The following ALDH5A1 variants were observed in gnomAD, a reference collection of about 807,000 sequenced individuals.
The protein encoded by ALDH5A1 is aldehyde dehydrogenase 5 family member A1.
ALDH5A1 carries 33 observed loss-of-function variants against 54.7 expected under a neutral mutation model. The ratio of observed to expected loss-of-function variants is 0.60; its 90% confidence interval spans 0.46 to 0.81. The LOEUF (loss-of-function observed/expected upper bound fraction) is 0.81, where lower values mean the gene tolerates loss of function less well. Among genes scored for constraint, ALDH5A1 ranks in the 30% least tolerant of loss-of-function variants. The probability of loss-of-function intolerance (pLI) is 0.00; values close to 1 mark genes in which losing one functional copy is unlikely to be tolerated. For missense variants in ALDH5A1, 657 were observed against 711.0 expected, an observed-to-expected ratio of 0.92 and a Z score of 0.86; for synonymous variants, 294 against 292.7, an observed-to-expected ratio of 1.00 and a Z score of -0.05.
Position 24,495,321 on chromosome 6 carries a change from T to C in ALDH5A1, c.325T>C (p.Phe109Leu), listed in dbSNP as rs1309356527. The stretch of plus-strand genomic sequence containing the variant: ...CGCCGTGCGCGCTGCCTACGAGGCT[T>C]TCTGCCGCTGGAGGGAGGTCTCCGC... ...RAAVRAAYEA[F>L]CRWREVSAKE... Residue 109 changes from phenylalanine (F) to leucine (L), a missense_variant, in exon 1 of 10, where the codon TTC becomes CTC. Around this residue, in one of 2 missense-constraint regions of ALDH5A1, gnomAD observed 232 missense variants for 194.6 expected, o/e 1.19. Coordinates refer to ENST00000357578, the MANE Select transcript of ALDH5A1 (RefSeq NM_001080.3). The C allele has an allele frequency of 1.1e-5, 17 of 1,532,878 alleles. No individual in the cohort carries two copies. Among genetic ancestry groups the C allele is most frequent in the Non-Finnish European group, 1.5e-5 (17 of 1,146,372 alleles). The allele number at this position is 1,532,878 out of a possible 1,614,324, so 95.0% of individuals were successfully genotyped here.
In ALDH5A1 at chr6:24,501,895, ATG is replaced by A. The variant is rs1243852728; in HGVS notation, c.355-611_355-610del. Among the ~76,000 whole-genome samples the A allele has an allele frequency of 6.2e-5, 8 of 129,724 alleles. No individual in the cohort carries two copies. In the South Asian group the frequency reaches 1.1e-3, roughly 18 times the overall value. 85.1% of individuals were successfully genotyped at this position (129,724 alleles called of 152,430 possible). On this transcript the variant is annotated intron_variant, in intron 1 of 9. Transcript: ENST00000357578. Reference sequence around the variant, plus strand: ...ATGTTTTATATATATATATATATATATGTGTGTGTGTGTGTGTGGGTGTATAT... The same window carrying A: ...ATGTTTTATATATATATATATATATATGTGTGTGTGTGTGTGGGTGTATAT...
At chr6:24,516,179 G>T (rs1314553775) in intron 5 of ALDH5A1, among the ~76,000 whole-genome samples, 1 of 152,124 alleles carries the variant, frequency 6.6e-6, no homozygotes, top group South Asian at 2.1e-4. Flanking sequence ...GCTCACACCT[G>T]TAATCCCAAC....
intron 5 of ALDH5A1, among the ~76,000 whole-genome samples, chr6:24,516,080 A>C (rs1370629142): frequency 1.3e-5 from 2 of 152,106 alleles, no homozygotes; most frequent in African/African-American, 4.8e-5. Context: ...TAAATGATGA[A>C]ATGTTCTTTG....
At position 24,523,052 on chromosome 6, in the gene ALDH5A1, A is replaced by G. The variant is rs1759733762; in HGVS notation, c.1173+127A>G. On this transcript the variant is annotated intron_variant, in intron 7 of 9. Transcript: ENST00000357578. ...GGTGGGTTGACAGAATATTACAGCTAGACAGAAGGAATAAGCTCTGGTGTT... is the reference window on the plus strand; with the variant it reads ...GGTGGGTTGACAGAATATTACAGCTGGACAGAAGGAATAAGCTCTGGTGTT... 9.3e-6 allele frequency: 8 copies of G among 859,476 alleles called. 1 individual carries two copies. Among genetic ancestry groups the G allele is most frequent in the South Asian group, 6.8e-5 (4 of 58,824 alleles). The allele number at this position is 859,476 out of a possible 1,614,324, so 53.2% of individuals were successfully genotyped here.
chr6:24,526,972 G>GTGTATATATATATA (rs1759821238), intron 7 of ALDH5A1, among the ~76,000 whole-genome samples: 2 of 8,346 alleles, frequency 2.4e-4, no homozygotes, highest in African/African-American at 4.8e-4. Context: ...ATATGTGTGT[G>GTGTATATATATATA]TGTATATATA....
chr6:24,515,433 C>G, intron 5 of ALDH5A1, 123 bp downstream of exon 5: 1 of 1,243,796 alleles, frequency 8.0e-7, no homozygotes, highest in Non-Finnish European at 1.1e-6. Context: ...GTGTTAAAAG[C>G]TCTGTCGCAG....
chr6:24,522,644 T>C, intron 6 of ALDH5A1, 123 bp from the exon 7 acceptor site: 4 of 1,207,430 alleles, frequency 3.3e-6, no homozygotes, highest in Non-Finnish European at 3.6e-6. Flanking sequence ...AAAATGGCAG[T>C]TTGAGCACAT....
chr6:24,527,914 G>A, intron 7 of ALDH5A1, 83 bp from the exon 8 acceptor site: 1 of 1,491,834 alleles, frequency 6.7e-7, no homozygotes, highest in Non-Finnish European at 9.3e-7. Context: ...AAAAAAAAAT[G>A]GAACTAGTTA....
At chr6:24,514,974 T>A (rs1759534790) in intron 4 of ALDH5A1, among the ~76,000 whole-genome samples, 193 bp from the exon 5 acceptor site, 1 of 152,150 alleles carries the variant, frequency 6.6e-6, no homozygotes. Context: ...AACCCATTAA[T>A]ATTAACGTGA....
At chr6:24,508,381 AAAAAAAAGAT>A (rs1470316400) in intron 4 of ALDH5A1, among the ~76,000 whole-genome samples, 2 of 53,132 alleles carry the variant, frequency 3.8e-5, no homozygotes, top group Non-Finnish European at 1.1e-4. Context: ...AAAAAAAAAA[AAAAAAAAGAT>A]TAATAGTCTC....
rs929307652 is a variant in ALDH5A1 at position 24,509,361 on chromosome 6, G to A, written c.726+4376G>A. Among the ~76,000 whole-genome samples, 3 of 152,140 alleles carry A rather than the reference G, an allele frequency of 2.0e-5. No individual in the cohort carries two copies. The highest frequency in any genetic ancestry group is 4.4e-5 in the Non-Finnish European group (3 of 67,988). On this transcript the variant is annotated intron_variant, in intron 4 of 9. Transcript: ENST00000357578. The surrounding 1 kb of genome is among the most constrained non-coding windows in gnomAD (Gnocchi z 4.7). ...CTTGCCAATTATCCCAGCACCATTT[G>A]TTGAGGGAGGATTCCCTCTTTCTCT...
chr6:24,531,323 G>A (rs1437492187), intron 8 of ALDH5A1, among the ~76,000 whole-genome samples: 1 of 152,192 alleles, frequency 6.6e-6, no homozygotes, highest in African/African-American at 2.4e-5. Context: ...ATTTTCACAG[G>A]AAACCAACGG....
chr6:24,528,113 G>C lies in ALDH5A1; in HGVS notation c.1290G>C (p.Gln430His), dbSNP rs1759856884. The change falls in exon 8 of 10, where the codon CAG becomes CAC. Residue 430 changes from glutamine to histidine, a missense_variant. Gln to His is a conservative substitution (Grantham distance 24, BLOSUM62 0). Coordinates refer to ENST00000357578, the MANE Select transcript of ALDH5A1 (RefSeq NM_001080.3). ...FEPTLLCNVT[Q>H]DMLCTHEETF... ...CTACCCTGCTGTGCAATGTCACCCA[G>C]GACATGCTGTGCACTCATGAAGAGA... 6.2e-7 allele frequency: 1 copy of C among 1,614,064 alleles called. No homozygotes were observed. Among genetic ancestry groups the C allele is most frequent in the African/African-American group, 1.3e-5 (1 of 75,044 alleles).
At position 24,522,833 on chromosome 6, in the gene ALDH5A1, G is replaced by T; in HGVS notation, c.1081G>T (p.Ala361Ser). The T allele has an allele frequency of 6.2e-7, 1 of 1,614,050 alleles. No individual in the cohort carries two copies. Among genetic ancestry groups the T allele is most frequent in the Non-Finnish European group, 8.5e-7 (1 of 1,180,004 alleles). ...GIHDAFVKAF[A>S]EAMKKNLRVG... ...CCATGATGCCTTTGTAAAAGCATTC[G>T]CCGAGGCCATGAAGAAGAACCTGCG... The change falls in exon 7 of 10, where the codon GCC becomes TCC. Residue 361 changes from alanine (A) to serine (S), a missense_variant. Physicochemically the swap from Ala to Ser is moderately conservative, Grantham distance 99 (BLOSUM62 1). Around this residue, in one of 2 missense-constraint regions of ALDH5A1, gnomAD observed 425 missense variants for 516.4 expected, o/e 0.82. Transcript: ENST00000357578.
rs576773890 is a variant in ALDH5A1 at position 24,525,977 on chromosome 6, T to C, written c.1174-2020T>C. Among the ~76,000 whole-genome samples the C allele has an allele frequency of 2.0e-4, 30 of 152,032 alleles. No individual in the cohort carries two copies. The South Asian group carries it at 3.3e-3, about 17-fold the overall frequency. On this transcript the variant is annotated intron_variant, in intron 7 of 9. Coordinates refer to ENST00000357578, the MANE Select transcript of ALDH5A1 (RefSeq NM_001080.3). ...CTTTTCTGAAGAAATATAGTAGGTATCTAGGCAGACTACAGCTTCAAGAGC... is the reference window on the plus strand; with the variant it reads ...CTTTTCTGAAGAAATATAGTAGGTACCTAGGCAGACTACAGCTTCAAGAGC...
At chr6:24,526,976 A>ATCTACTATATATTC (rs1759822084) in intron 7 of ALDH5A1, among the ~76,000 whole-genome samples, 2 of 15,990 alleles carry the variant, frequency 1.3e-4, no homozygotes, top group African/African-American at 2.0e-4. Flanking sequence ...GTGTGTGTGT[A>ATCTACTATATATTC]TATATATATA....
Position 24,503,405 on chromosome 6 carries a change from C to T in ALDH5A1, c.581C>T (p.Pro194Leu), listed in dbSNP as rs1759249344. 1.9e-6 allele frequency: 3 copies of T among 1,613,330 alleles called. No individual in the cohort carries two copies. Among genetic ancestry groups the T allele is most frequent in the Non-Finnish European group, 2.5e-6 (3 of 1,179,978 alleles). Residue 194 changes from proline (P) to leucine (L), a missense_variant, in exon 3 of 10, where the codon CCC becomes CTC. Physicochemically the swap from Pro to Leu is moderately conservative, Grantham distance 98 (BLOSUM62 -3). Transcript: ENST00000357578. ...AGGCGGGCCCTGGTCCTCAAGCAGC[C>T]CATAGGCGTGGCTGCAGTCATCACC... ...KDRRALVLKQ[P>L]IGVAAVITPW...
chr6:24,528,364 AT>A (rs199760796), intron 8 of ALDH5A1, among the ~76,000 whole-genome samples, 198 bp downstream of exon 8: 8 of 149,256 alleles, frequency 5.4e-5, no homozygotes, highest in East Asian at 2.0e-4. Context: ...ATCAAATTCT[AT>A]TTTTTTTTTC....
chr6:24,503,357 T>C lies in ALDH5A1; in HGVS notation c.533T>C (p.Ile178Thr), dbSNP rs375773360. 2.3e-5 allele frequency: 37 copies of C among 1,614,010 alleles called. No individual in the cohort carries two copies. The highest frequency in any genetic ancestry group is 1.6e-4 in the Middle Eastern group (1 of 6,084). ...GAAGCCCGCCGTGTTTACGGAGACA[T>C]TATCCACACCCCGGCAAAGGACAGG... is the stretch of plus-strand genomic sequence containing the variant. The part of the protein sequence containing the change: ...SEEARRVYGD[I>T]IHTPAKDRRA... The change falls in exon 3 of 10, where the codon ATT becomes ACT. Residue 178 changes from isoleucine (I) to threonine (T), a missense_variant. Transcript: ENST00000357578.
Sources: gnomAD v4.1 joint callset for allele counts (sites outside exome capture counted in the v4.1 genomes callset) on GRCh38, gnomAD v4.1.1 for gene constraint, gnomAD v4.1.1 regional missense constraint, Gnocchi (gnomAD v3.1) non-coding constraint, MANE v1.5 for transcripts, NCBI Gene and HGNC (gene_info 2026-07-23, HGNC 2026-07-21) for gene names.